The following DNMBP variants were observed in gnomAD, a reference collection of about 807,000 sequenced individuals.
DNMBP encodes dynamin binding protein.
Under a neutral mutation model 150.0 loss-of-function variants are expected in DNMBP, and 87 were observed. That is an observed-to-expected ratio of 0.58 (90% CI 0.49 to 0.69). The LOEUF (loss-of-function observed/expected upper bound fraction) is 0.69. DNMBP is among the 30% of genes least tolerant of loss of function. The pLI is 0.00. For missense variants in DNMBP, 1,774 were observed against 1,949.0 expected (o/e 0.91, Z 1.69); for synonymous variants, 711 against 750.4 (o/e 0.95, Z 0.86).
chr10:99,994,399 G>A (rs1408201098), intron 1 of DNMBP, among the ~76,000 whole-genome samples: 1 of 152,202 alleles, frequency 6.6e-6, no homozygotes, highest in African/African-American at 2.4e-5. Flanking sequence ...ACAATGGCGG[G>A]TGATGACGAT....
chr10:99,969,178 T>C lies in DNMBP; in HGVS notation c.205A>G (p.Arg69Gly), dbSNP rs756439722. 9 of 1,613,964 alleles carry C rather than the reference T, an allele frequency of 5.6e-6. No individual in the cohort carries two copies. In the East Asian group the frequency reaches 8.9e-5, roughly 16 times the overall value. Residue 69 changes from arginine to glycine, a missense_variant, in exon 3 of 17, where the codon AGG becomes GGG. Transcript: ENST00000324109. ...AATTCACAAATGCACACAAACAGCC[T>C]CTCTCCCTCTTTTAGACTGGGAATG... is the stretch of plus-strand genomic sequence containing the variant. Reference protein sequence around the residue: ...VTIPSLKEGERLFVCICEFTS... With the variant: ...VTIPSLKEGEGLFVCICEFTS...
At chr10:99,943,855 T>C (rs1163955941) in intron 4 of DNMBP, among the ~76,000 whole-genome samples, 1 of 152,242 alleles carries the variant, frequency 6.6e-6, no homozygotes, top group African/African-American at 2.4e-5. Context: ...TCCATATCAG[T>C]CATTCTCCAG....
In DNMBP at chr10:99,880,030, C is replaced by T. The variant is rs2039339934; in HGVS notation, c.4329G>A (p.Gln1443=). The change falls in exon 16 of 17, where the codon CAG becomes CAA. Residue 1443 remains glutamine, a synonymous_variant. Coordinates refer to ENST00000324109, the MANE Select transcript of DNMBP (RefSeq NM_015221.4). ...RCPSDPDSTS[Q]PRSGDSADVA... ...CATCTGCAGAGTCCCCTGACCTTGG[C>T]TGGGAGGTGGAGTCTGGGTCTGAAG... The T allele has an allele frequency of 6.2e-7, 1 of 1,614,078 alleles. No homozygotes were observed.
At chr10:99,912,520 T>C (rs2039913585) in intron 4 of DNMBP, among the ~76,000 whole-genome samples, 1 of 152,132 alleles carries the variant, frequency 6.6e-6, no homozygotes, top group South Asian at 2.1e-4. Flanking sequence ...TATAAACTCT[T>C]GAGCAGCCTT....
chr10:99,898,662 G>A, intron 8 of DNMBP, 81 bp downstream of exon 8: 5 of 1,479,860 alleles, frequency 3.4e-6, no homozygotes, highest in South Asian at 2.3e-5. Flanking sequence ...TATAAAGGAA[G>A]AAAATACAGT....
intron 4 of DNMBP, among the ~76,000 whole-genome samples, chr10:99,945,392 G>A (rs563508722): frequency 2.7e-4 from 41 of 152,302 alleles, no homozygotes; most frequent in African/African-American, 8.9e-4. Context: ...GGGTAGGAGG[G>A]CCAGGGTCTA....
chr10:99,955,714 T>G lies in DNMBP; in HGVS notation c.1760A>C (p.Asp587Ala), dbSNP rs1330451500. 1 of 1,614,232 alleles carries G rather than the reference T, an allele frequency of 6.2e-7. No individual in the cohort carries two copies. The highest frequency in any genetic ancestry group is 8.5e-7 in the Non-Finnish European group (1 of 1,180,046). ...TAACTTTGAGGAACCTCGGACAATATCCTTCTCAGAGTTAAAGTCCATGAT... is the reference window on the plus strand; with the variant it reads ...TAACTTTGAGGAACCTCGGACAATAGCCTTCTCAGAGTTAAAGTCCATGAT... ...FSIMDFNSEKDIVRGSSKLIT... is the reference protein window; with the variant it reads ...FSIMDFNSEKAIVRGSSKLIT... Residue 587 changes from aspartate (D) to alanine (A), a missense_variant, in exon 4 of 17, where the codon GAT (aspartate) becomes GCT (alanine). Asp to Ala is a moderately radical substitution (Grantham distance 126). Around this residue, in one of 2 missense-constraint regions of DNMBP, gnomAD observed 1,430 missense variants for 1,492.5 expected, o/e 0.96. Transcript: ENST00000324109.
chr10:99,885,960 T>G, intron 13 of DNMBP, 94 bp from the exon 14 acceptor site: 1 of 1,211,126 alleles, frequency 8.3e-7, no homozygotes, highest in Non-Finnish European at 1.1e-6. Flanking sequence ...AGATCCCGGA[T>G]TGACAGTCTC....
At chr10:99,880,783 C>G in intron 15 of DNMBP, among the ~76,000 whole-genome samples, 1 of 152,312 alleles carries the variant, frequency 6.6e-6, no homozygotes, top group East Asian at 1.9e-4. Flanking sequence ...TCAAATACAG[C>G]AAGTGTGGAA....
intron 3 of DNMBP, among the ~76,000 whole-genome samples, chr10:99,959,205 AC>A (rs1310417991): frequency 6.6e-6 from 1 of 152,208 alleles, no homozygotes. Flanking sequence ...TATGTTATTT[AC>A]GTAAATATGT....
At chr10:99,912,283 A>G (rs964608691) in intron 4 of DNMBP, among the ~76,000 whole-genome samples, 3 of 152,150 alleles carry the variant, frequency 2.0e-5, no homozygotes, top group Non-Finnish European at 4.4e-5. Flanking sequence ...ATTTGCTTCA[A>G]ATCTTAAAAA....
intron 4 of DNMBP, chr10:99,927,094 C>G (rs1335352431): frequency 6.6e-6 from 1 of 152,308 alleles, no homozygotes; most frequent in Non-Finnish European, 1.5e-5. Flanking sequence ...TGGCTTCCTG[C>G]CTGGGGGAGA....
chr10:99,880,446 T>A, intron 15 of DNMBP, 85 bp from the exon 16 acceptor site: 3 of 1,417,638 alleles, frequency 2.1e-6, no homozygotes. Flanking sequence ...AAAAAACTGA[T>A]CTAGGTTATT....
chr10:99,880,005 C>G lies in DNMBP; in HGVS notation c.4354G>C (p.Val1452Leu), dbSNP rs1185678260. Residue 1452 changes from valine (V) to leucine (L), a missense_variant, in exon 16 of 17, where the codon GTA (valine) becomes CTA (leucine). This residue lies in a region of DNMBP where 1,430 missense variants were observed against 1,492.5 expected (regional missense o/e 0.96). Coordinates refer to ENST00000324109, the MANE Select transcript of DNMBP (RefSeq NM_015221.4). ...SQPRSGDSADVARDVKQPTAT... is the reference protein window; with the variant it reads ...SQPRSGDSADLARDVKQPTAT... ...GTGGGTTGCTTTACATCTCTAGCTA[C>G]ATCTGCAGAGTCCCCTGACCTTGGC... 8 of 1,614,118 alleles carry G rather than the reference C, an allele frequency of 5.0e-6. No individual in the cohort carries two copies. In the East Asian group the frequency reaches 1.6e-4, roughly 31 times the overall value.
chr10:99,987,768 G>A (rs1021033376), intron 1 of DNMBP, among the ~76,000 whole-genome samples: 1 of 151,650 alleles, frequency 6.6e-6, no homozygotes, highest in Non-Finnish European at 1.5e-5. Context: ...GAAAGAAACA[G>A]GTGGGAGATT....
In DNMBP at chr10:99,880,027, T is replaced by C. The variant is rs1470643794; in HGVS notation, c.4332A>G (p.Pro1444=). The change falls in exon 16 of 17, where the codon CCA becomes CCG. Residue 1444 remains proline, a synonymous_variant. Transcript: ENST00000324109. The part of the protein sequence containing the change: ...CPSDPDSTSQ[P]RSGDSADVAR... The stretch of plus-strand genomic sequence containing the variant: ...CTACATCTGCAGAGTCCCCTGACCT[T>C]GGCTGGGAGGTGGAGTCTGGGTCTG... The C allele has an allele frequency of 1.2e-6, 2 of 1,614,074 alleles. No homozygotes were observed. The highest frequency in any genetic ancestry group is 1.3e-5 in the African/African-American group (1 of 74,924).
chr10:99,889,060 T>G, intron 11 of DNMBP, 107 bp from the exon 12 acceptor site: 1 of 1,337,344 alleles, frequency 7.5e-7, no homozygotes, highest in South Asian at 1.5e-5. Context: ...TTCCATAATT[T>G]GAAATTTTCT....
At chr10:99,902,619 T>A (rs1483682871) in intron 6 of DNMBP, among the ~76,000 whole-genome samples, 5 of 125,166 alleles carry the variant, frequency 4.0e-5, no homozygotes, top group South Asian at 2.8e-4. Context: ...TGCCTCCCTT[T>A]AAAAAAAAAA....
chr10:99,935,479 T>G (rs553667189), intron 4 of DNMBP, among the ~76,000 whole-genome samples: 1 of 152,236 alleles, frequency 6.6e-6, no homozygotes, highest in South Asian at 2.1e-4. Flanking sequence ...CTTGAACTGT[T>G]GGGCTCAAGC....
Sources: allele counts gnomAD v4.1 joint callset (sites outside exome capture counted in the v4.1 genomes callset), GRCh38; gene constraint gnomAD v4.1.1; regional missense constraint gnomAD v4.1.1; transcripts MANE v1.5; gene names NCBI Gene and HGNC (gene_info 2026-07-23, HGNC 2026-07-21).